Variants in DOK6 observed in about 807,000 individuals in gnomAD.
DOK6 encodes the protein docking protein 6, also known as downstream of tyrosine kinase 6.
A neutral mutation model predicts 44.0 loss-of-function variants in DOK6; 22 were observed. The observed-to-expected ratio is 0.50, with a 90% CI of 0.36 to 0.71. The LOEUF is 0.71. Among genes scored for constraint, DOK6 ranks in the 30% least tolerant of loss-of-function variants. The pLI, the probability that DOK6 is intolerant of heterozygous loss-of-function variation, is 0.00. For missense variants in DOK6, 340 were observed against 416.4 expected (o/e 0.82, Z 1.60); for synonymous variants, 166 against 145.5 (o/e 1.14, Z -1.01).
chr18:69,465,016 G>A (rs73466889), intron 1 of DOK6, among the ~76,000 whole-genome samples: 172 of 152,150 alleles, frequency 1.1e-3, no homozygotes, highest in African/African-American at 3.9e-3. Flanking sequence ...ACTAATAAAC[G>A]AAAGAAGTTA....
At chr18:69,788,938 A>C (rs766249636) in intron 7 of DOK6, among the ~76,000 whole-genome samples, 2 of 152,230 alleles carry the variant, frequency 1.3e-5, no homozygotes, top group African/African-American at 2.4e-5. Flanking sequence ...ATTAAAATAC[A>C]ATAGTGTATA....
intron 1 of DOK6, among the ~76,000 whole-genome samples, chr18:69,425,990 T>C (rs1202094150): frequency 1.3e-5 from 2 of 152,146 alleles, no homozygotes; most frequent in Admixed American, 6.5e-5. Flanking sequence ...ATTCTAATTG[T>C]TTTACTTTTA....
chr18:69,605,376 C>G (rs1473725775), intron 3 of DOK6, among the ~76,000 whole-genome samples: 2 of 152,058 alleles, frequency 1.3e-5, no homozygotes, highest in South Asian at 2.1e-4. Context: ...AGCACATGCT[C>G]TTAACAACTA....
At chr18:69,553,524 G>C (rs1341555370) in intron 1 of DOK6, among the ~76,000 whole-genome samples, 2 of 152,164 alleles carry the variant, frequency 1.3e-5, no homozygotes, top group African/African-American at 4.8e-5. Flanking sequence ...GCACCACTTG[G>C]TTTTGTGATC....
intron 2 of DOK6, among the ~76,000 whole-genome samples, chr18:69,571,096 T>G (rs1331411993): frequency 2.0e-5 from 3 of 152,020 alleles, no homozygotes; most frequent in Non-Finnish European, 2.9e-5. Flanking sequence ...TGTAAAGATG[T>G]TGGTGGTGAG....
chr18:69,820,722 A>C (rs1442469105), intron 7 of DOK6, among the ~76,000 whole-genome samples: 1 of 152,194 alleles, frequency 6.6e-6, no homozygotes, highest in Non-Finnish European at 1.5e-5. Context: ...CATCAAAAAG[A>C]GTGAGATTAT....
chr18:69,452,243 C>A (rs928113404), intron 1 of DOK6, among the ~76,000 whole-genome samples: 1 of 148,982 alleles, frequency 6.7e-6, no homozygotes, highest in African/African-American at 2.5e-5. Flanking sequence ...CACCACCGAT[C>A]CCACAGAAAT....
intron 1 of DOK6, among the ~76,000 whole-genome samples, chr18:69,433,481 G>A (rs1292612240): frequency 2.0e-5 from 3 of 152,038 alleles, no homozygotes; most frequent in Non-Finnish European, 4.4e-5. Flanking sequence ...TAATAAAAAT[G>A]CATTTAACCA....
At chr18:69,419,274 G>A (rs1978420110) in intron 1 of DOK6, among the ~76,000 whole-genome samples, 1 of 152,076 alleles carries the variant, frequency 6.6e-6, no homozygotes, top group East Asian at 1.9e-4. Flanking sequence ...CATCCAAAAC[G>A]CGCACATAGC....
chr18:69,540,650 T>G (rs1297716841), intron 1 of DOK6, among the ~76,000 whole-genome samples: 1 of 152,192 alleles, frequency 6.6e-6, no homozygotes, highest in Admixed American at 6.5e-5. Context: ...TAAATGAAGT[T>G]TTTTCTTCCA....
At chr18:69,698,380 TCTC>T in intron 4 of DOK6, 21 bp from the exon 5 acceptor site, 1 of 1,585,436 alleles carries the variant, frequency 6.3e-7, no homozygotes, top group East Asian at 2.2e-5. Context: ...CACTTAACCT[TCTC>T]CATTCTTCGT....
rs79388304 is a variant in DOK6, at chr18:69,575,683, A to G, written c.174+11089A>G. On this transcript the variant is annotated intron_variant, in intron 2 of 7. Coordinates refer to ENST00000382713, the MANE Select transcript of DOK6 (RefSeq NM_152721.6). ...ATAAATGTTAAAAGACTAAACAGCA[A>G]AGGTTATAGTAATTATCAATACTAT... Among the ~76,000 whole-genome samples the G allele has an allele frequency of 4.4e-4, 67 of 152,304 alleles. 1 individual carries two copies. The East Asian group carries it at 8.7e-3, about 20-fold the overall frequency.
chr18:69,657,804 T>A (rs1985407347), intron 3 of DOK6, among the ~76,000 whole-genome samples: 1 of 152,212 alleles, frequency 6.6e-6, no homozygotes, highest in African/African-American at 2.4e-5. Context: ...GAATTAGGTC[T>A]GCGTTCTACC....
intron 1 of DOK6, among the ~76,000 whole-genome samples, chr18:69,405,209 C>T (rs1199055910): frequency 2.0e-5 from 3 of 152,188 alleles, no homozygotes; most frequent in African/African-American, 2.4e-5. Flanking sequence ...GATAATTGAT[C>T]TCCTTTCTGT....
chr18:69,814,364 T>C (rs1238406396), intron 7 of DOK6, among the ~76,000 whole-genome samples: 2 of 152,172 alleles, frequency 1.3e-5, no homozygotes, highest in Non-Finnish European at 2.9e-5. Context: ...TGTGTTGCCA[T>C]GTCATTTGAG....
chr18:69,821,127 A>C (rs1981555913), intron 7 of DOK6, among the ~76,000 whole-genome samples: 1 of 152,206 alleles, frequency 6.6e-6, no homozygotes, highest in Non-Finnish European at 1.5e-5. Context: ...AATCATGTGA[A>C]CCATGCTATG....
At chr18:69,664,768 G>A (rs567924568) in intron 3 of DOK6, among the ~76,000 whole-genome samples, 3 of 152,310 alleles carry the variant, frequency 2.0e-5, no homozygotes, top group Admixed American at 1.3e-4. Context: ...CCAAAGAGGA[G>A]AAAATGCCAT....
At chr18:69,810,144 A>G (rs1348586809) in intron 7 of DOK6, among the ~76,000 whole-genome samples, 2 of 152,224 alleles carry the variant, frequency 1.3e-5, no homozygotes, top group Non-Finnish European at 1.5e-5. Context: ...ACATAGACCA[A>G]TGGAATAGAA....
At chr18:69,564,153 T>C (rs939557328) in intron 1 of DOK6, among the ~76,000 whole-genome samples, 30 of 152,280 alleles carry the variant, frequency 2.0e-4, no homozygotes, top group African/African-American at 7.0e-4. Flanking sequence ...TTTGTTAACC[T>C]GCCACTGCAC....
Sources: allele counts gnomAD v4.1 joint callset (sites outside exome capture counted in the v4.1 genomes callset), GRCh38; gene constraint gnomAD v4.1.1; transcripts MANE v1.5; gene names NCBI Gene and HGNC (gene_info 2026-07-23, HGNC 2026-07-21).